Variants in GALNT10 observed in about 807,000 individuals in gnomAD.
GALNT10 encodes the protein GalNAc transferase 10.
In GALNT10, 41 loss-of-function variants were observed where a neutral mutation model predicts 75.0. The ratio of observed to expected loss-of-function variants is 0.55; its 90% confidence interval spans 0.43 to 0.71. The LOEUF (loss-of-function observed/expected upper bound fraction) is 0.71. Among genes scored for constraint, GALNT10 ranks in the 30% least tolerant of loss-of-function variants. The probability of loss-of-function intolerance (pLI) is 0.00; values close to 1 mark genes in which losing one functional copy is unlikely to be tolerated. For synonymous variants in GALNT10, 302 were observed against 313.0 expected (o/e 0.96, Z 0.37); for missense variants, 727 against 818.5 (o/e 0.89, Z 1.36).
At chr5:154,360,178 G>A (rs931531386) in intron 4 of GALNT10, among the ~76,000 whole-genome samples, 23 of 152,222 alleles carry the variant, frequency 1.5e-4, no homozygotes, top group East Asian at 1.9e-4. Context: ...GGCTGGGTGC[G>A]GTGGCTCACA....
intron 1 of GALNT10, among the ~76,000 whole-genome samples, chr5:154,239,096 C>G (rs997722379): frequency 3.3e-5 from 5 of 152,220 alleles, no homozygotes; most frequent in African/African-American, 1.2e-4. Context: ...GCCTTCCCAG[C>G]CTCACTGCCC....
chr5:154,281,849 G>A (rs895631899), intron 1 of GALNT10, among the ~76,000 whole-genome samples: 12 of 152,246 alleles, frequency 7.9e-5, no homozygotes, highest in Admixed American at 5.9e-4. Flanking sequence ...CCATCCCTAG[G>A]GCATGGAGGC....
At chr5:154,214,124 A>G (rs1210587066) in intron 1 of GALNT10, among the ~76,000 whole-genome samples, 1 of 151,764 alleles carries the variant, frequency 6.6e-6, no homozygotes, top group Non-Finnish European at 1.5e-5. Context: ...GATGGGAATC[A>G]CTCCTCCCTA....
chr5:154,212,157 C>T (rs944154322), intron 1 of GALNT10, among the ~76,000 whole-genome samples: 1 of 152,140 alleles, frequency 6.6e-6, no homozygotes, highest in African/African-American at 2.4e-5. Context: ...CTCATAAAAA[C>T]CAAGATGTCC....
At chr5:154,218,773 A>G (rs1055570156) in intron 1 of GALNT10, among the ~76,000 whole-genome samples, 1 of 152,088 alleles carries the variant, frequency 6.6e-6, no homozygotes, top group Non-Finnish European at 1.5e-5. Context: ...GTAAGCCCCA[A>G]GTTTCTCCAG....
At chr5:154,250,453 T>C (rs1167707338) in intron 1 of GALNT10, among the ~76,000 whole-genome samples, 1 of 152,222 alleles carries the variant, frequency 6.6e-6, no homozygotes, top group Non-Finnish European at 1.5e-5. Context: ...ATGGGGTTAA[T>C]TCATTCAGTG....
At chr5:154,373,527 C>T (rs1255897441) in intron 4 of GALNT10, among the ~76,000 whole-genome samples, 1 of 152,112 alleles carries the variant, frequency 6.6e-6, no homozygotes, top group African/African-American at 2.4e-5. Context: ...TCTATAGTAG[C>T]CAGTTTGTGG....
At chr5:154,193,776 G>A (rs891716836) in intron 1 of GALNT10, among the ~76,000 whole-genome samples, 65 of 152,234 alleles carry the variant, frequency 4.3e-4, no homozygotes, top group Non-Finnish European at 5.6e-4. Context: ...AAAGAACGGA[G>A]TTTCAAATTT....
intron 1 of GALNT10, among the ~76,000 whole-genome samples, chr5:154,215,101 A>G (rs1209956328): frequency 6.6e-6 from 1 of 152,206 alleles, no homozygotes; most frequent in Non-Finnish European, 1.5e-5. Flanking sequence ...TATTTTTAGA[A>G]ACAGAGTTTG....
At chr5:154,394,392 C>T (rs907170954) in intron 7 of GALNT10, among the ~76,000 whole-genome samples, 1 of 144,072 alleles carries the variant, frequency 6.9e-6, no homozygotes, top group Non-Finnish European at 1.5e-5. Context: ...CTAAGTGAAA[C>T]AGGACGTGTG....
chr5:154,294,377 T>C (rs565953120), intron 1 of GALNT10, among the ~76,000 whole-genome samples: 2 of 152,322 alleles, frequency 1.3e-5, no homozygotes, highest in Admixed American at 6.5e-5. Context: ...AATACCTTAA[T>C]CAGTGTATTA....
chr5:154,320,909 G>T (rs369940703), intron 3 of GALNT10, among the ~76,000 whole-genome samples: 1 of 152,170 alleles, frequency 6.6e-6, no homozygotes. Flanking sequence ...CAGATGCAAC[G>T]GTTAAGTCAG....
chr5:154,194,434 T>G (rs1435795311), intron 1 of GALNT10, among the ~76,000 whole-genome samples: 1 of 152,194 alleles, frequency 6.6e-6, no homozygotes, highest in Non-Finnish European at 1.5e-5. Context: ...TAATCACTCC[T>G]CTGTCTGCAT....
intron 1 of GALNT10, among the ~76,000 whole-genome samples, chr5:154,193,289 T>A (rs1235780010): frequency 6.6e-6 from 1 of 152,238 alleles, no homozygotes; most frequent in East Asian, 1.9e-4. Context: ...ATTCATCTGC[T>A]GCCTTTCAAG....
intron 1 of GALNT10, among the ~76,000 whole-genome samples, chr5:154,273,933 T>C (rs1486105660): frequency 3.3e-5 from 5 of 152,230 alleles, no homozygotes; most frequent in African/African-American, 1.2e-4. Context: ...CGCCTCCCAG[T>C]TGCTGCATCT....
intron 1 of GALNT10, among the ~76,000 whole-genome samples, chr5:154,250,745 A>G (rs1287154285): frequency 6.6e-6 from 1 of 152,216 alleles, no homozygotes; most frequent in African/African-American, 2.4e-5. Context: ...TCTGCTGCTT[A>G]AAAGATTACA....
Position 154,386,235 on chromosome 5 carries a change from G to A in GALNT10, c.939-78G>A, listed in dbSNP as rs976578021. ...GCAGCATGGAACACCGCCGCTGGGG[G>A]AATGGCATTATCGGGCCACATGAGA... On this transcript the variant is annotated intron_variant, in intron 6 of 11. Transcript: ENST00000297107. 4.7e-5 allele frequency: 48 copies of A among 1,012,146 alleles called. No individual in the cohort carries two copies. The African/African-American group carries it at 6.4e-4, about 14-fold the overall frequency. The allele number at this position is 1,012,146 out of a possible 1,614,324, so 62.7% of individuals were successfully genotyped here. A position where few individuals can be genotyped will look rare whatever the true frequency, so the allele number is the denominator to read the frequency against.
intron 1 of GALNT10, among the ~76,000 whole-genome samples, chr5:154,261,609 G>T (rs890485930): frequency 1.3e-5 from 2 of 152,150 alleles, no homozygotes; most frequent in African/African-American, 4.8e-5. Flanking sequence ...ATCTCCTGCT[G>T]CCTTGGTAGA....
chr5:154,256,353 GT>G (rs1004089623), intron 1 of GALNT10, among the ~76,000 whole-genome samples: 52 of 18,902 alleles, frequency 2.8e-3, no homozygotes, highest in Admixed American at 0.015. Context: ...TGTTGTTTTT[GT>G]TTTTTTTTTT....
Sources: allele counts gnomAD v4.1 joint callset (sites outside exome capture counted in the v4.1 genomes callset), GRCh38; gene constraint gnomAD v4.1.1; transcripts MANE v1.5; gene names NCBI Gene and HGNC (gene_info 2026-07-23, HGNC 2026-07-21).